Variants in MBNL3 observed in about 807,000 individuals in gnomAD.
MBNL3 encodes the protein muscleblind-like protein 3.
Under a neutral mutation model 24.5 loss-of-function variants are expected in MBNL3, and 6 were observed. That is an observed-to-expected ratio of 0.25 (90% CI 0.13 to 0.48). MBNL3 has a LOEUF of 0.48. Among genes scored for constraint, MBNL3 ranks in the 20% least tolerant of loss-of-function variants. The pLI, the probability that MBNL3 is intolerant of heterozygous loss-of-function variation, is 0.99. For missense variants in MBNL3, 230 were observed against 293.5 expected, an observed-to-expected ratio of 0.78 and a Z score of 1.58; for synonymous variants, 100 against 101.7, an observed-to-expected ratio of 0.98 and a Z score of 0.10.
At chrX:132,465,860 C>T (rs1946857201) in intron 1 of MBNL3, among the ~76,000 whole-genome samples, 2 of 111,414 alleles carry the variant, frequency 1.8e-5, no homozygotes, top group Admixed American at 1.9e-4. Flanking sequence ...TCTTTTACCT[C>T]ACAAACAAAC....
At chrX:132,456,248 A>G (rs1277111074) in intron 1 of MBNL3, among the ~76,000 whole-genome samples, 1 of 112,232 alleles carries the variant, frequency 8.9e-6, no homozygotes, top group Non-Finnish European at 1.9e-5. Context: ...TCTACACAAA[A>G]TATTTTCTAT....
At chrX:132,420,838 G>C (rs772818975) in intron 2 of MBNL3, among the ~76,000 whole-genome samples, 15 of 111,467 alleles carry the variant, frequency 1.3e-4, no homozygotes, top group Non-Finnish European at 2.6e-4. Flanking sequence ...TGAAGATGCA[G>C]AATCCAAAAG....
intron 5 of MBNL3, among the ~76,000 whole-genome samples, chrX:132,388,429 GGTT>G (rs1376603492): frequency 8.9e-6 from 1 of 112,285 alleles, no homozygotes; most frequent in Non-Finnish European, 1.9e-5. Context: ...CTACTTATCT[GGTT>G]GTTAAAAAGA....
rs750370840 is a variant in MBNL3 at position 132,458,468 on chromosome X, G to T, written c.-703-18154C>A. On this transcript the variant is annotated intron_variant, in intron 1 of 8. Transcript: ENST00000370853. The stretch of plus-strand genomic sequence containing the variant: ...ATTTATTTTGGCTCATGGTTCTGAA[G>T]GTAGGAAAGTCCAAGATTAGGCAGT... Among the ~76,000 whole-genome samples the T allele has an allele frequency of 3.3e-3, 366 of 111,119 alleles. 1 individual carries two copies. Among genetic ancestry groups the T allele is most frequent in the African/African-American group, 0.011 (346 of 30,578 alleles).
Position 132,396,889 on chromosome X carries a change from TATATATATTCATATATACATATATAC to T in MBNL3, c.343-4581_343-4556del, listed in dbSNP as rs1569426418. ...ATATTCATATATACATATATATTCATATATATATTCATATATACATATATACATATATATTCATATATACATTCATA... is the reference window on the plus strand; with the variant it reads ...ATATTCATATATACATATATATTCATATATATATTCATATATACATTCATA... On this transcript the variant is annotated intron_variant, in intron 3 of 8. Transcript: ENST00000370853. Among the ~76,000 whole-genome samples, 4 of 66,923 alleles carry T rather than the reference TATATATATTCATATATACATATATAC, an allele frequency of 6.0e-5. No individual in the cohort carries two copies. The Admixed American group carries it at 8.9e-4, about 15-fold the overall frequency. The allele number at this position is 66,923 out of a possible 115,157, so 58.1% of individuals were successfully genotyped here. A position where few individuals can be genotyped will look rare whatever the true frequency, so the allele number is the denominator to read the frequency against.
At chrX:132,456,658 C>T (rs1298031561) in intron 1 of MBNL3, among the ~76,000 whole-genome samples, 1 of 111,529 alleles carries the variant, frequency 9.0e-6, no homozygotes, top group Non-Finnish European at 1.9e-5. Context: ...AGACTTGTTA[C>T]CAAATCATTG....
At position 132,392,330 on chromosome X, in the gene MBNL3, G is replaced by T. The variant is rs1172832729; in HGVS notation, c.347C>A (p.Ser116Tyr). The T allele has an allele frequency of 1.7e-5, 20 of 1,189,179 alleles. No individual in the cohort carries two copies. The highest frequency in any genetic ancestry group is 3.6e-5 in the African/African-American group (2 of 56,296). ...LQNAQMSSLG[S>Y]FPMTPSIPAN... ...TGGAATTGATGGAGTCATAGGAAAA[G>T]AACCCTGTATGTTTAAAAGAGAAAA... Residue 116 changes from serine to tyrosine, a missense_variant, in exon 4 of 9, where the codon TCT becomes TAT. By Grantham distance (144) the Ser-to-Tyr change is moderately radical. Transcript: ENST00000370853.
At chrX:132,458,677 T>C (rs1008292708) in intron 1 of MBNL3, among the ~76,000 whole-genome samples, 2 of 111,022 alleles carry the variant, frequency 1.8e-5, no homozygotes, top group African/African-American at 6.6e-5. Flanking sequence ...TCCCATGACA[T>C]AAACACTTCT....
Position 132,370,383 on chromosome X carries a change from A to G in MBNL3, c.*9283T>C, listed in dbSNP as rs187404763. On this transcript the variant is annotated 3_prime_UTR_variant, in exon 9 of 9. Coordinates refer to ENST00000370853, the MANE Select transcript of MBNL3 (RefSeq NM_001386889.1). ...TTCAGTATTTTAGGTTCATTATCAT[A>G]TCAGAACTTTCCAGATAATAACAAA... is the stretch of plus-strand genomic sequence containing the variant. 7 of 111,929 alleles carry G rather than the reference A, an allele frequency of 6.3e-5. No homozygotes were observed. In the East Asian group the frequency reaches 2.0e-3, roughly 31 times the overall value. 9.2% of individuals were successfully genotyped at this position (111,929 alleles called of 1,213,427 possible).
Position 132,440,228 on chromosome X carries a change from G to A in MBNL3, c.-617C>T, listed in dbSNP as rs1169732134. On this transcript the variant is annotated 5_prime_UTR_variant, in exon 2 of 9. Coordinates refer to ENST00000370853, the MANE Select transcript of MBNL3 (RefSeq NM_001386889.1). Reference sequence around the variant, plus strand: ...CGGGGAGGTGGAGAGGGCAGGGAACGGTATGGTAGGGAGAGGGGTTTATAA... The same window carrying A: ...CGGGGAGGTGGAGAGGGCAGGGAACAGTATGGTAGGGAGAGGGGTTTATAA... Among the ~76,000 whole-genome samples, 1 of 110,480 alleles carries A rather than the reference G, an allele frequency of 9.1e-6. No individual in the cohort carries two copies. Among genetic ancestry groups the A allele is most frequent in the Non-Finnish European group, 1.9e-5 (1 of 52,812 alleles).
intron 2 of MBNL3, among the ~76,000 whole-genome samples, chrX:132,416,314 C>T (rs768164326): frequency 4.5e-5 from 5 of 111,138 alleles, no homozygotes; most frequent in African/African-American, 1.6e-4. Flanking sequence ...AAGATCAATA[C>T]TGCACGTTTC....
chrX:132,406,379 C>T lies in MBNL3; in HGVS notation c.191G>A (p.Arg64Gln). ...CFDSLKGRCTRENCKYLHPPP... is the reference protein window; with the variant it reads ...CFDSLKGRCTQENCKYLHPPP... ...AGGGTGAAGGTACTTGCAGTTCTCTCGGGTACACCGACCCTGACAATGAAG... is the reference window on the plus strand; with the variant it reads ...AGGGTGAAGGTACTTGCAGTTCTCTTGGGTACACCGACCCTGACAATGAAG... Residue 64 changes from arginine (R) to glutamine (Q), a missense_variant, in exon 3 of 9, where the codon CGA becomes CAA. By Grantham distance (43) the Arg-to-Gln change is conservative. Coordinates refer to ENST00000370853, the MANE Select transcript of MBNL3 (RefSeq NM_001386889.1). 1 of 1,194,153 alleles carries T rather than the reference C, an allele frequency of 8.4e-7. No individual in the cohort carries two copies.
intron 3 of MBNL3, among the ~76,000 whole-genome samples, chrX:132,402,558 C>A (rs969209750): frequency 3.6e-5 from 4 of 111,544 alleles, no homozygotes; most frequent in African/African-American, 1.3e-4. Flanking sequence ...TACTTTTTTG[C>A]TGGGAACATC....
Position 132,451,268 on chromosome X carries a change from T to C in MBNL3, c.-703-10954A>G, listed in dbSNP as rs1018589623. On this transcript the variant is annotated intron_variant, in intron 1 of 8. Coordinates refer to ENST00000370853, the MANE Select transcript of MBNL3 (RefSeq NM_001386889.1). ...TTTAAGTCTGTTGAAGCTGTGCCTA[T>C]AGCCTCCCCTTCTGCCAGGTGCTCT... is the stretch of plus-strand genomic sequence containing the variant. Among the ~76,000 whole-genome samples, 5 of 112,537 alleles carry C rather than the reference T, an allele frequency of 4.4e-5. No individual in the cohort carries two copies. The Admixed American group carries it at 4.7e-4, about 10-fold the overall frequency.
intron 1 of MBNL3, among the ~76,000 whole-genome samples, chrX:132,469,870 C>T (rs1947085030): frequency 8.9e-6 from 1 of 111,740 alleles, no homozygotes; most frequent in Non-Finnish European, 1.9e-5. Context: ...GCTGTGCTCC[C>T]ACCCCTTCTT....
At chrX:132,477,697 T>G (rs1947512237) in intron 1 of MBNL3, among the ~76,000 whole-genome samples, 1 of 111,660 alleles carries the variant, frequency 9.0e-6, no homozygotes, top group South Asian at 3.8e-4. Flanking sequence ...CTTCTCCTAA[T>G]GGGTTGCATT....
At chrX:132,396,353 T>C (rs1442277320) in intron 3 of MBNL3, among the ~76,000 whole-genome samples, 1 of 88,122 alleles carries the variant, frequency 1.1e-5, no homozygotes, top group African/African-American at 4.2e-5. Flanking sequence ...TTCATATATA[T>C]ATATTCCTAT....
At chrX:132,456,735 C>G (rs906698974) in intron 1 of MBNL3, among the ~76,000 whole-genome samples, 1 of 111,466 alleles carries the variant, frequency 9.0e-6, no homozygotes, top group Non-Finnish European at 1.9e-5. Flanking sequence ...TAAAAAATCT[C>G]CAAGTTCTCA....
At chrX:132,425,897 A>G in intron 2 of MBNL3, among the ~76,000 whole-genome samples, 1 of 112,210 alleles carries the variant, frequency 8.9e-6, no homozygotes, top group South Asian at 3.7e-4. Flanking sequence ...ATTTAGCCAA[A>G]TATCATTTCT....
Sources: gnomAD v4.1 joint callset for allele counts (sites outside exome capture counted in the v4.1 genomes callset) on GRCh38, gnomAD v4.1.1 for gene constraint, MANE v1.5 for transcripts, NCBI Gene and HGNC (gene_info 2026-07-23, HGNC 2026-07-21) for gene names.